The following DUSP22 variants were observed in gnomAD, a reference collection of about 807,000 sequenced individuals.
DUSP22 encodes the protein dual specificity phosphatase 22.
A neutral mutation model predicts 24.5 loss-of-function variants in DUSP22; 24 were observed. That is an observed-to-expected ratio of 0.98 (90% CI 0.71 to 1.38). DUSP22 has a LOEUF of 1.38. Ranked by LOEUF, DUSP22 falls within the 40% of genes most tolerant of loss-of-function variation. The probability of loss-of-function intolerance (pLI) is 0.00; values close to 1 mark genes in which losing one functional copy is unlikely to be tolerated. For synonymous variants in DUSP22, 160 were observed against 106.4 expected (o/e 1.50, Z -3.10); for missense variants, 330 against 269.2 (o/e 1.23, Z -1.58).
intron 3 of DUSP22, among the ~76,000 whole-genome samples, chr6:321,989 A>G (rs1286833133): frequency 6.6e-6 from 1 of 152,308 alleles, no homozygotes; most frequent in Non-Finnish European, 1.5e-5. Flanking sequence ...ATAGAAATAC[A>G]GGTCCAGGGC....
chr6:335,941 G>A (rs879399413), intron 4 of DUSP22, among the ~76,000 whole-genome samples: 53 of 152,294 alleles, frequency 3.5e-4, no homozygotes, highest in Non-Finnish European at 6.2e-4. Context: ...CACCTATAGA[G>A]AGATTCATAA....
intron 2 of DUSP22, among the ~76,000 whole-genome samples, chr6:308,489 C>T (rs886797424): frequency 8.5e-5 from 13 of 152,290 alleles, no homozygotes; most frequent in Non-Finnish European, 1.2e-4. Context: ...GATGCATCAG[C>T]GAACACGGTG....
Position 349,937 on chromosome 6 carries a change from A to T in DUSP22, c.*986A>T. ...TCACTCCCAGCCTCTCGCTGTCCTCACTTTGCAGGGGCTCCTCCTCAACAT... is the reference window on the plus strand; with the variant it reads ...TCACTCCCAGCCTCTCGCTGTCCTCTCTTTGCAGGGGCTCCTCCTCAACAT... On this transcript the variant is annotated 3_prime_UTR_variant, in exon 7 of 7. Transcript: ENST00000419235. The T allele has an allele frequency of 1.0e-6, 1 of 985,804 alleles. No homozygotes were observed. Among genetic ancestry groups the T allele is most frequent in the Non-Finnish European group, 1.2e-6 (1 of 830,078 alleles). The allele number at this position is 985,804 out of a possible 1,614,324, so 61.1% of individuals were successfully genotyped here.
intron 2 of DUSP22, among the ~76,000 whole-genome samples, chr6:311,076 A>G (rs553906048): frequency 2.0e-5 from 3 of 152,322 alleles, no homozygotes; most frequent in African/African-American, 7.2e-5. Flanking sequence ...AAAAAAGACG[A>G]ATCAGGAGAG....
chr6:322,789 A>G (rs1758660728), intron 3 of DUSP22, among the ~76,000 whole-genome samples: 1 of 133,004 alleles, frequency 7.5e-6, no homozygotes, highest in Admixed American at 8.0e-5. Flanking sequence ...ATGGAAGAGG[A>G]CATCTAGTCC....
chr6:293,446 T>G (rs1159729551), intron 1 of DUSP22, among the ~76,000 whole-genome samples: 2 of 152,300 alleles, frequency 1.3e-5, no homozygotes, highest in African/African-American at 4.8e-5. Context: ...AGTACCTTTT[T>G]ACGGGTCTTT....
At position 349,635 on chromosome 6, in the gene DUSP22, G is replaced by T; in HGVS notation, c.*684G>T. On this transcript the variant is annotated 3_prime_UTR_variant, in exon 7 of 7. Coordinates refer to ENST00000419235, the MANE Select transcript of DUSP22 (RefSeq NM_001286555.3). ...CTCTGGGGCCCTGGAAAACGTGAGAGACTGCCCTGAGCTGGTCCAGTGGGC... is the reference window on the plus strand; with the variant it reads ...CTCTGGGGCCCTGGAAAACGTGAGATACTGCCCTGAGCTGGTCCAGTGGGC... 3.0e-6 allele frequency: 3 copies of T among 987,304 alleles called. No individual in the cohort carries two copies. The highest frequency in any genetic ancestry group is 3.6e-6 in the Non-Finnish European group (3 of 831,408). 61.2% of individuals were successfully genotyped at this position (987,304 alleles called of 1,614,324 possible). A position where few individuals can be genotyped will look rare whatever the true frequency, so the allele number is the denominator to read the frequency against.
chr6:337,883 C>G (rs1759429586), intron 4 of DUSP22: 1 of 152,516 alleles, frequency 6.6e-6, no homozygotes, highest in South Asian at 2.1e-4. Flanking sequence ...GGCTCTTGGC[C>G]TTTGATGTAT....
chr6:346,704 T>C (rs1334894797), intron 5 of DUSP22, among the ~76,000 whole-genome samples: 2 of 152,296 alleles, frequency 1.3e-5, no homozygotes, highest in South Asian at 2.1e-4. Context: ...AAGTGTGTTA[T>C]TAATTAACTG....
chr6:310,596 T>G (rs1359588927), intron 2 of DUSP22, among the ~76,000 whole-genome samples: 1 of 152,312 alleles, frequency 6.6e-6, no homozygotes, highest in East Asian at 1.9e-4. Context: ...TAAACCACAG[T>G]CCTGTCTGAA....
chr6:309,787 G>T (rs1339562854), intron 2 of DUSP22, among the ~76,000 whole-genome samples: 1 of 152,272 alleles, frequency 6.6e-6, no homozygotes, highest in African/African-American at 2.4e-5. Context: ...TACCAGTCCC[G>T]CCATCCTCCC....
At chr6:304,735 T>A in intron 2 of DUSP22, 74 bp downstream of exon 2, 2 of 1,594,992 alleles carry the variant, frequency 1.3e-6, no homozygotes, top group Non-Finnish European at 1.7e-6. Flanking sequence ...CATTTTAAAG[T>A]GTATAGGTCA....
chr6:295,459 T>C (rs73717004), intron 1 of DUSP22, among the ~76,000 whole-genome samples: 92 of 152,312 alleles, frequency 6.0e-4, no homozygotes, highest in African/African-American at 2.1e-3. Context: ...GGCTTTTATA[T>C]TCTAGAAAAT....
chr6:309,201 T>A (rs1360087647), intron 2 of DUSP22, among the ~76,000 whole-genome samples: 4 of 152,310 alleles, frequency 2.6e-5, no homozygotes, highest in Admixed American at 2.0e-4. Flanking sequence ...CTCTCATCCA[T>A]AGCAGGTGGC....
intron 3 of DUSP22, among the ~76,000 whole-genome samples, chr6:331,226 G>A (rs1412792560): frequency 2.0e-5 from 3 of 152,298 alleles, no homozygotes; most frequent in African/African-American, 7.2e-5. Flanking sequence ...CACTGTTTTG[G>A]AACATCGTGG....
chr6:317,480 C>T (rs555893155), intron 3 of DUSP22, among the ~76,000 whole-genome samples: 12 of 152,420 alleles, frequency 7.9e-5, no homozygotes, highest in African/African-American at 2.4e-4. Flanking sequence ...GAATTCTCCC[C>T]TCCCTCCGAG....
intron 1 of DUSP22, among the ~76,000 whole-genome samples, chr6:300,078 C>T (rs1011654408): frequency 1.3e-5 from 2 of 152,298 alleles, no homozygotes; most frequent in Non-Finnish European, 2.9e-5. Context: ...GTCCATGGGC[C>T]CTGGTCAGCC....
At position 349,692 on chromosome 6, in the gene DUSP22, A is replaced by G. The variant is rs2127425109; in HGVS notation, c.*741A>G. On this transcript the variant is annotated 3_prime_UTR_variant, in exon 7 of 7. Coordinates refer to ENST00000419235, the MANE Select transcript of DUSP22 (RefSeq NM_001286555.3). ...TTTATACCAACTCAGCATTTAAGGG[A>G]AGTATCTTAGATTGCCTCCATCTCA... The G allele has an allele frequency of 1.0e-6, 1 of 986,026 alleles. No individual in the cohort carries two copies. The highest frequency in any genetic ancestry group is 1.2e-6 in the Non-Finnish European group (1 of 830,288). 61.1% of individuals were successfully genotyped at this position (986,026 alleles called of 1,614,324 possible).
intron 3 of DUSP22, among the ~76,000 whole-genome samples, chr6:330,130 G>C (rs1175244427): frequency 1.3e-5 from 2 of 152,306 alleles, no homozygotes; most frequent in African/African-American, 4.8e-5. Flanking sequence ...TGCTGGAGGA[G>C]GACCCCCCTG....
Sources: allele counts gnomAD v4.1 joint callset (sites outside exome capture counted in the v4.1 genomes callset), GRCh38; gene constraint gnomAD v4.1.1; transcripts MANE v1.5; gene names NCBI Gene and HGNC (gene_info 2026-07-23, HGNC 2026-07-21).